The following DLAT variants were observed in gnomAD, a reference collection of about 807,000 sequenced individuals.
The protein encoded by DLAT is dihydrolipoyllysine-residue acetyltransferase component of pyruvate dehydrogenase complex, mitochondrial.
Under a neutral mutation model 68.0 loss-of-function variants are expected in DLAT, and 43 were observed. The observed-to-expected ratio is 0.63, with a 90% CI of 0.50 to 0.81. The LOEUF (loss-of-function observed/expected upper bound fraction) is 0.81, where lower values mean the gene tolerates loss of function less well. Among genes scored for constraint, DLAT ranks in the 40% least tolerant of loss-of-function variants. DLAT has a pLI of 0.00. For synonymous variants in DLAT, 265 were observed against 288.6 expected, an observed-to-expected ratio of 0.92 and a Z score of 0.83; for missense variants, 745 against 815.4, an observed-to-expected ratio of 0.91 and a Z score of 1.05.
rs1472018842 is a variant in DLAT at position 112,028,845 on chromosome 11, C to T, written c.560C>T (p.Pro187Leu). The T allele has an allele frequency of 1.2e-6, 2 of 1,614,024 alleles. No individual in the cohort carries two copies. Among genetic ancestry groups the T allele is most frequent in the Non-Finnish European group, 1.7e-6 (2 of 1,180,042 alleles). Residue 187 changes from proline to leucine, a missense_variant, in exon 4 of 14, where the codon CCT becomes CTT. Physicochemically the swap from Pro to Leu is moderately conservative, Grantham distance 98. Transcript: ENST00000280346. The part of the protein sequence containing the change: ...KNYTLDSSAA[P>L]TPQAAPAPTP... ...TATACACTGGATTCCTCAGCAGCAC[C>T]TACCCCACAAGCGGCCCCAGCACCA...
intron 2 of DLAT, among the ~76,000 whole-genome samples, chr11:112,026,969 G>GGGGCGGCTGGCT (rs1480544094): frequency 6.6e-6 from 1 of 150,764 alleles, no homozygotes; most frequent in African/African-American, 2.4e-5. Flanking sequence ...CCTCCCGGAC[G>GGGGCGGCTGGCT]GGGCGGCTGG....
chr11:112,045,107 G>A, intron 8 of DLAT, 31 bp from the exon 9 acceptor site: 4 of 1,561,398 alleles, frequency 2.6e-6, no homozygotes, highest in Non-Finnish European at 3.5e-6. Context: ...TTGAATCACA[G>A]TTACTAAGAG....
chr11:112,026,246 C>G lies in DLAT; in HGVS notation c.328C>G (p.Arg110Gly). Residue 110 changes from arginine (R) to glycine (G), a missense_variant, in exon 2 of 14, where the codon CGT (arginine) becomes GGT (glycine). Transcript: ENST00000280346. Reference protein sequence around the residue: ...SPTMQAGTIARWEKKEGDKIN... With the variant: ...SPTMQAGTIAGWEKKEGDKIN... ...CACAATGCAGGCAGGCACCATAGCC[C>G]GTTGGGAAAAAAAAGAGGGGGACAA... 1.2e-6 allele frequency: 2 copies of G among 1,608,668 alleles called. No homozygotes were observed. The highest frequency in any genetic ancestry group is 2.2e-5 in the South Asian group (2 of 90,346).
intron 2 of DLAT, among the ~76,000 whole-genome samples, chr11:112,027,246 C>T (rs1288922282): frequency 6.6e-6 from 1 of 150,850 alleles, no homozygotes. Flanking sequence ...AAGAGACGCT[C>T]CTCACCTCCC....
At chr11:112,027,226 G>GGCGGCCGGGAAGAGAC in intron 2 of DLAT, among the ~76,000 whole-genome samples, 1 of 151,502 alleles carries the variant, frequency 6.6e-6, no homozygotes, top group South Asian at 2.1e-4. Context: ...TCTCAGACGG[G>GGCGGCCGGGAAGAGAC]GCGGCCGGGA....
chr11:112,031,407 G>T (rs587693138), intron 4 of DLAT, among the ~76,000 whole-genome samples: 1 of 152,002 alleles, frequency 6.6e-6, no homozygotes, highest in South Asian at 2.1e-4. Context: ...TTTACCCCTG[G>T]TTTTTTATTT....
In DLAT at chr11:112,026,304, G is replaced by GT. The variant is rs5794771; in HGVS notation, c.381+22dup. The GT allele has an allele frequency of 0.23, 228,802 of 1,001,336 alleles. 735 individuals carry two copies. The highest frequency in any genetic ancestry group is 0.26 in the South Asian group (11,743 of 44,966). 62.0% of individuals were successfully genotyped at this position (1,001,336 alleles called of 1,614,324 possible). A position where few individuals can be genotyped will look rare whatever the true frequency, so the allele number is the denominator to read the frequency against. On this transcript the variant is annotated splice_donor_region_variant and intron_variant, in intron 2 of 13. Transcript: ENST00000280346. ...GAAGGTGACCTAATTGCAGAGGTAA[G>GT]TTTTTTTTTTTTTTTTTAATTAATT...
In DLAT at chr11:112,028,876, T is replaced by G; in HGVS notation, c.591T>G (p.Pro197=). Residue 197 remains proline, a synonymous_variant, in exon 4 of 14, where the codon CCT becomes CCG. Transcript: ENST00000280346. The part of the protein sequence containing the change: ...PTPQAAPAPT[P]AATASPPTPS... ...CACAAGCGGCCCCAGCACCAACCCC[T>G]GCTGCCACTGCTTCGCCACCTACAC... The G allele has an allele frequency of 6.2e-7, 1 of 1,614,130 alleles. No homozygotes were observed. Among genetic ancestry groups the G allele is most frequent in the Non-Finnish European group, 8.5e-7 (1 of 1,179,972 alleles).
chr11:112,026,112 T>G, intron 1 of DLAT, 86 bp from the exon 2 acceptor site: 1 of 1,082,010 alleles, frequency 9.2e-7, no homozygotes, highest in Non-Finnish European at 1.4e-6. Flanking sequence ...ACACTTTGCA[T>G]GAAATTGAAT....
At chr11:112,038,324 G>T (rs1259616749) in intron 6 of DLAT, among the ~76,000 whole-genome samples, 4 of 151,672 alleles carry the variant, frequency 2.6e-5, no homozygotes, top group African/African-American at 9.7e-5. Context: ...TCGACCTCCC[G>T]AGTAGCTGGG....
intron 11 of DLAT, among the ~76,000 whole-genome samples, chr11:112,054,505 C>T (rs775085915): frequency 1.4e-4 from 22 of 152,052 alleles, no homozygotes; most frequent in East Asian, 1.9e-4. Context: ...TAGTTTTCTA[C>T]GTATATGTGA....
rs587607342 is a variant in DLAT at position 112,040,939 on chromosome 11, A to G, written c.1129+1542A>G. ...GAGGAGTGTTAAAAAAAAAAAAGAA[A>G]GAAAGAAAATCCCACTGTTCTTACT... On this transcript the variant is annotated intron_variant, in intron 7 of 13. Coordinates refer to ENST00000280346, the MANE Select transcript of DLAT (RefSeq NM_001931.5). Among the ~76,000 whole-genome samples the G allele has an allele frequency of 6.6e-5, 10 of 152,176 alleles. 1 individual carries two copies. In the East Asian group the frequency reaches 1.7e-3, roughly 26 times the overall value.
chr11:112,059,254 T>G (rs1864360924), intron 11 of DLAT, among the ~76,000 whole-genome samples: 1 of 152,188 alleles, frequency 6.6e-6, no homozygotes, highest in South Asian at 2.1e-4. Context: ...TTGGTGGGGT[T>G]TTCTTTCAGC....
chr11:112,049,223 A>G (rs1173162454), intron 10 of DLAT, among the ~76,000 whole-genome samples: 3 of 152,132 alleles, frequency 2.0e-5, no homozygotes, highest in Non-Finnish European at 4.4e-5. Flanking sequence ...GTCCCTTGCA[A>G]TTCTAAGTGA....
Position 112,046,110 on chromosome 11 carries a change from AG to A in DLAT, c.1398+141del. ...TCTTGATCTTGTCCTTTGAAGCACAAGATTTTAAATATTGGTTATGTCCACT... is the reference window on the plus strand; with the variant it reads ...TCTTGATCTTGTCCTTTGAAGCACAAATTTTAAATATTGGTTATGTCCACT... On this transcript the variant is annotated intron_variant, in intron 10 of 13. Transcript: ENST00000280346. 3 of 617,212 alleles carry A rather than the reference AG, an allele frequency of 4.9e-6. No homozygotes were observed. The East Asian group carries it at 8.6e-5, about 18-fold the overall frequency. 38.2% of individuals were successfully genotyped at this position (617,212 alleles called of 1,614,324 possible).
intron 10 of DLAT, among the ~76,000 whole-genome samples, chr11:112,048,358 G>A (rs587641089): frequency 3.3e-5 from 5 of 152,264 alleles, no homozygotes; most frequent in Middle Eastern, 3.4e-3. Flanking sequence ...TCAGCTTAAG[G>A]AGATTTTGGA....
At chr11:112,058,193 G>C (rs1864229200) in intron 11 of DLAT, among the ~76,000 whole-genome samples, 1 of 152,152 alleles carries the variant, frequency 6.6e-6, no homozygotes, top group Admixed American at 6.5e-5. Flanking sequence ...TGGATTCAGT[G>C]GTGAACAATA....
intron 4 of DLAT, chr11:112,030,085 A>G: frequency 1.1e-6 from 1 of 872,904 alleles, no homozygotes; most frequent in South Asian, 1.3e-5. Context: ...TCGTCTGCGA[A>G]TGTCTCCTGG....
intron 7 of DLAT, among the ~76,000 whole-genome samples, chr11:112,042,823 G>A (rs1863113798): frequency 6.6e-6 from 1 of 152,176 alleles, no homozygotes; most frequent in South Asian, 2.1e-4. Context: ...CCAGTTTAGA[G>A]CCTTGGCTAC....
Sources: allele counts gnomAD v4.1 joint callset (sites outside exome capture counted in the v4.1 genomes callset), GRCh38; gene constraint gnomAD v4.1.1; transcripts MANE v1.5; gene names NCBI Gene and HGNC (gene_info 2026-07-23, HGNC 2026-07-21).